SENP2: variants seen among roughly 807,000 people sequenced by gnomAD.
SENP2 encodes the protein SUMO specific peptidase 2, also known as sentrin-specific protease 2.
Under a neutral mutation model 86.3 loss-of-function variants are expected in SENP2, and 16 were observed. That is an observed-to-expected ratio of 0.19 (90% CI 0.13 to 0.28). SENP2 has a LOEUF of 0.28. Among genes scored for constraint, SENP2 ranks in the 10% least tolerant of loss-of-function variants. The probability of loss-of-function intolerance (pLI) is 1.00; values close to 1 mark genes in which losing one functional copy is unlikely to be tolerated. For missense variants in SENP2, 552 were observed against 703.0 expected (o/e 0.79, Z 2.43); for synonymous variants, 222 against 238.7 (o/e 0.93, Z 0.64).
At chr3:185,609,886 C>T (rs1722629769) in intron 7 of SENP2, among the ~76,000 whole-genome samples, 1 of 152,204 alleles carries the variant, frequency 6.6e-6, no homozygotes, top group South Asian at 2.1e-4. Flanking sequence ...CCACTAGAGA[C>T]AAGATTAAAG....
chr3:185,622,361 G>A (rs1447943400), intron 14 of SENP2, among the ~76,000 whole-genome samples: 1 of 152,148 alleles, frequency 6.6e-6, no homozygotes, highest in Non-Finnish European at 1.5e-5. Context: ...AATCTTTAAA[G>A]CATACCTACT....
chr3:185,610,091 C>T (rs949249969), intron 7 of SENP2, among the ~76,000 whole-genome samples: 9 of 150,190 alleles, frequency 6.0e-5, no homozygotes, highest in Middle Eastern at 3.5e-3. Flanking sequence ...TGAGAAAACA[C>T]AGGGATCCCA....
Position 185,594,807 on chromosome 3 carries a change from C to T in SENP2, c.158-3605C>T, listed in dbSNP as rs549240990. ...GCTAATTTTTATATTTTAGTAGAGA[C>T]GGAGTTTCACCATATTGGCCAGGCT... On this transcript the variant is annotated intron_variant, in intron 2 of 16. Transcript: ENST00000296257. 6.6e-5 allele frequency among the ~76,000 whole-genome samples: 10 copies of T among 152,162 alleles called. No homozygotes were observed. In the East Asian group the frequency reaches 7.7e-4, roughly 12 times the overall value.
intron 13 of SENP2, among the ~76,000 whole-genome samples, chr3:185,621,169 A>G (rs907218848): frequency 1.3e-5 from 2 of 148,434 alleles, no homozygotes; most frequent in African/African-American, 4.9e-5. Context: ...AAAAAAAAAA[A>G]AAAAAAAAGA....
At chr3:185,619,028 T>G (rs1467724961) in intron 12 of SENP2, among the ~76,000 whole-genome samples, 1 of 152,236 alleles carries the variant, frequency 6.6e-6, no homozygotes. Flanking sequence ...GATACAGTTA[T>G]GTAGATCTTT....
intron 10 of SENP2, 77 bp from the exon 11 acceptor site, chr3:185,614,487 T>G (rs1711528000): frequency 7.4e-7 from 1 of 1,347,580 alleles, no homozygotes; most frequent in Admixed American, 2.3e-5. Flanking sequence ...GTGGCAGTTT[T>G]ATATTTCATG....
intron 16 of SENP2, among the ~76,000 whole-genome samples, chr3:185,628,571 A>G (rs376210485): frequency 1.3e-5 from 2 of 152,140 alleles, no homozygotes; most frequent in South Asian, 2.1e-4. Context: ...CAATGGCGCA[A>G]TCTCAGCTCA....
In SENP2 at chr3:185,631,789, G is replaced by A. The variant is rs1020784229; in HGVS notation, c.*1945G>A. The A allele has an allele frequency of 9.4e-5, 14 of 149,124 alleles. No homozygotes were observed. Among genetic ancestry groups the A allele is most frequent in the African/African-American group, 3.5e-4 (14 of 40,342 alleles). 9.2% of individuals were successfully genotyped at this position (149,124 alleles called of 1,614,324 possible). A position where few individuals can be genotyped will look rare whatever the true frequency, so the allele number is the denominator to read the frequency against. On this transcript the variant is annotated 3_prime_UTR_variant, in exon 17 of 17. Transcript: ENST00000296257. ...CTTGAGAGTTTGGTACCATGGTTAA[G>A]ATCGAGTCCATGCTAGGTAAGTCCT...
chr3:185,623,544 C>A (rs1411278916), intron 14 of SENP2, among the ~76,000 whole-genome samples: 1 of 152,014 alleles, frequency 6.6e-6, no homozygotes. Flanking sequence ...TATAAGCAGA[C>A]CTCCCCAAAT....
intron 9 of SENP2, among the ~76,000 whole-genome samples, 191 bp downstream of exon 9, chr3:185,612,849 G>T (rs1722741148): frequency 1.3e-5 from 2 of 152,218 alleles, no homozygotes; most frequent in Non-Finnish European, 2.9e-5. Context: ...GTTGAGGGGG[G>T]TGCCCCTTAT....
At position 185,598,565 on chromosome 3, in the gene SENP2, C is replaced by T. The variant is rs1475558721; in HGVS notation, c.291+20C>T. Reference sequence around the variant, plus strand: ...GGAGAGGTCAGTGGGGATGAGACTCCATTAGGAATACTGATCTTTATACTT... The same window carrying T: ...GGAGAGGTCAGTGGGGATGAGACTCTATTAGGAATACTGATCTTTATACTT... On this transcript the variant is annotated intron_variant, in intron 3 of 16. Coordinates refer to ENST00000296257, the MANE Select transcript of SENP2 (RefSeq NM_021627.3). 3.1e-6 allele frequency: 5 copies of T among 1,608,448 alleles called. No homozygotes were observed. The Admixed American group carries it at 8.4e-5, about 27-fold the overall frequency.
At chr3:185,599,314 C>T (rs889488366) in intron 4 of SENP2, among the ~76,000 whole-genome samples, 34 of 152,082 alleles carry the variant, frequency 2.2e-4, no homozygotes, top group African/African-American at 7.7e-4. Flanking sequence ...TGAGAACTTA[C>T]TCTGTGCCGG....
Position 185,619,521 on chromosome 3 carries a change from T to C in SENP2, c.1446+19T>C. 1 of 1,606,864 alleles carries C rather than the reference T, an allele frequency of 6.2e-7. No individual in the cohort carries two copies. ...CCTGGTGGTGAGTAGAGAGGGTTAA[T>C]GGTTAATTGTTGGACTTGGATAAAG... On this transcript the variant is annotated intron_variant, in intron 13 of 16. Transcript: ENST00000296257.
At chr3:185,597,602 C>T (rs1722215756) in intron 2 of SENP2, among the ~76,000 whole-genome samples, 1 of 151,758 alleles carries the variant, frequency 6.6e-6, no homozygotes, top group African/African-American at 2.4e-5. Flanking sequence ...GATCCACCCA[C>T]CTCGGCCTCC....
chr3:185,592,011 C>CTTTTTTTTTTTTTTTTTGTTTTT (rs1722019473), intron 2 of SENP2, among the ~76,000 whole-genome samples: 1 of 65,802 alleles, frequency 1.5e-5, no homozygotes, highest in Non-Finnish European at 2.7e-5. Context: ...GGTAATATTT[C>CTTTTTTTTTTTTTTTTTGTTTTT]TTTTTTTTTT....
chr3:185,591,375 G>A (rs1262262336), intron 2 of SENP2, among the ~76,000 whole-genome samples: 3 of 150,902 alleles, frequency 2.0e-5, no homozygotes, highest in African/African-American at 7.3e-5. Flanking sequence ...TTTTTGAGAT[G>A]GAGTCTCGCT....
chr3:185,622,868 A>G (rs1448970041), intron 14 of SENP2, among the ~76,000 whole-genome samples: 3 of 123,102 alleles, frequency 2.4e-5, no homozygotes, highest in Non-Finnish European at 4.7e-5. Flanking sequence ...GTGTCACCCC[A>G]TGCAGTGGTG....
intron 10 of SENP2, 112 bp downstream of exon 10, chr3:185,613,520 G>GA (rs1722762926): frequency 3.2e-6 from 2 of 633,202 alleles, no homozygotes; most frequent in African/African-American, 3.8e-5. Context: ...TGTTAATTCT[G>GA]TTGTTTTTCT....
chr3:185,628,747 ATG>A (rs1560203835), intron 16 of SENP2, among the ~76,000 whole-genome samples: 2 of 150,976 alleles, frequency 1.3e-5, no homozygotes, highest in African/African-American at 2.4e-5. Context: ...CTCAGGTGAT[ATG>A]CCCACCTTGG....
Sources: allele counts gnomAD v4.1 joint callset (sites outside exome capture counted in the v4.1 genomes callset), GRCh38; gene constraint gnomAD v4.1.1; transcripts MANE v1.5; gene names NCBI Gene and HGNC (gene_info 2026-07-23, HGNC 2026-07-21).